The following CFAP54 variants were observed in gnomAD, a reference collection of about 807,000 sequenced individuals.
CFAP54 encodes cilia- and flagella-associated protein 54.
Under a neutral mutation model 370.4 loss-of-function variants are expected in CFAP54, and 290 were observed. That is an observed-to-expected ratio of 0.78 (90% CI 0.71 to 0.86). The LOEUF (loss-of-function observed/expected upper bound fraction) is 0.86. CFAP54 is among the 40% of genes least tolerant of loss of function. The pLI, the probability that CFAP54 is intolerant of heterozygous loss-of-function variation, is 0.00. For synonymous variants in CFAP54, 1,206 were observed against 1,236.5 expected (o/e 0.98, Z 0.52); for missense variants, 3,399 against 3,528.7 (o/e 0.96, Z 0.93).
At chr12:96,792,593 A>G in intron 63 of CFAP54, 94 bp downstream of exon 63, 2 of 920,766 alleles carry the variant, frequency 2.2e-6, no homozygotes, top group South Asian at 2.1e-5. Context: ...TTCTCTTATC[A>G]TATAGATGAG....
At chr12:96,497,941 AT>A (rs1213025582) in intron 1 of CFAP54, among the ~76,000 whole-genome samples, 1 of 152,076 alleles carries the variant, frequency 6.6e-6, no homozygotes, top group African/African-American at 2.4e-5. Context: ...GTAGCTTTCA[AT>A]GAATGATCTC....
At chr12:96,761,551 T>G (rs1171443081) in intron 58 of CFAP54, among the ~76,000 whole-genome samples, 1 of 152,086 alleles carries the variant, frequency 6.6e-6, no homozygotes, top group Non-Finnish European at 1.5e-5. Context: ...TCTAGCACCC[T>G]TTGTCTAACT....
intron 25 of CFAP54, among the ~76,000 whole-genome samples, chr12:96,595,737 A>G (rs1956171059): frequency 6.6e-6 from 1 of 152,166 alleles, no homozygotes; most frequent in African/African-American, 2.4e-5. Context: ...GTAAATAGAT[A>G]GAGCATTTCT....
At chr12:96,671,179 C>G (rs1957141959) in intron 39 of CFAP54, among the ~76,000 whole-genome samples, 1 of 152,082 alleles carries the variant, frequency 6.6e-6, no homozygotes, top group African/African-American at 2.4e-5. Context: ...ACCATGTTGG[C>G]CAGGCTGGTC....
chr12:96,593,065 C>T (rs1956142795), intron 24 of CFAP54, among the ~76,000 whole-genome samples: 1 of 152,108 alleles, frequency 6.6e-6, no homozygotes, highest in African/African-American at 2.4e-5. Context: ...CTTTTTAACA[C>T]TTTTATAATC....
chr12:96,679,753 G>A lies in CFAP54; in HGVS notation c.5716+1G>A. 6.2e-7 allele frequency: 1 copy of A among 1,611,780 alleles called. No individual in the cohort carries two copies. The highest frequency in any genetic ancestry group is 1.1e-5 in the South Asian group (1 of 90,648). On this transcript the variant is annotated splice_donor_variant, in intron 40 of 67. Transcript: ENST00000524981. LOFTEE classifies it high-confidence loss of function. ...TCATTATTTCTTGCACAGACACAAG[G>A]TAAAATGCATGTTCTGTATCTCTGA... is the stretch of plus-strand genomic sequence containing the variant.
intron 66 of CFAP54, among the ~76,000 whole-genome samples, chr12:96,856,361 A>G (rs12582608): frequency 0.011 from 1,720 of 152,156 alleles, 80 homozygotes; most frequent in East Asian, 0.11. Flanking sequence ...CAGAAAATGA[A>G]TTTTTCTTTT....
At chr12:96,646,255 G>GA (rs1367866464) in intron 33 of CFAP54, 3 of 151,874 alleles carry the variant, frequency 2.0e-5, no homozygotes, top group Non-Finnish European at 4.4e-5. Context: ...AAATTTACAA[G>GA]AAAAAAACAA....
chr12:96,579,743 G>C (rs1298852655), intron 20 of CFAP54, among the ~76,000 whole-genome samples: 1 of 152,042 alleles, frequency 6.6e-6, no homozygotes, highest in African/African-American at 2.4e-5. Context: ...AGGGAGAATA[G>C]TTCATTCCAA....
intron 19 of CFAP54, chr12:96,572,913 T>A (rs1392321813): frequency 1.0e-6 from 1 of 985,282 alleles, no homozygotes; most frequent in East Asian, 1.1e-4. Context: ...TTGGATTCAT[T>A]GATGTGCAGA....
chr12:96,759,921 G>A (rs1958316148), intron 58 of CFAP54, among the ~76,000 whole-genome samples: 1 of 152,052 alleles, frequency 6.6e-6, no homozygotes, highest in Non-Finnish European at 1.5e-5. Context: ...TTCCTATTTT[G>A]TTAGTAGGTA....
intron 14 of CFAP54, among the ~76,000 whole-genome samples, chr12:96,542,854 C>G (rs1955592070): frequency 6.6e-6 from 1 of 152,196 alleles, no homozygotes; most frequent in Non-Finnish European, 1.5e-5. Flanking sequence ...TGACATGTCT[C>G]TTAAATCTCT....
At chr12:96,836,332 G>A (rs1315931079) in intron 66 of CFAP54, among the ~76,000 whole-genome samples, 1 of 152,130 alleles carries the variant, frequency 6.6e-6, no homozygotes, top group African/African-American at 2.4e-5. Context: ...AGGATTGAGG[G>A]CCACACTGAA....
At chr12:96,547,034 G>A (rs1388245050) in intron 14 of CFAP54, among the ~76,000 whole-genome samples, 1 of 152,080 alleles carries the variant, frequency 6.6e-6, no homozygotes, top group Non-Finnish European at 1.5e-5. Context: ...TATGTAATGA[G>A]GGGTTGTCCC....
chr12:96,672,130 GA>G (rs57510630), intron 39 of CFAP54, among the ~76,000 whole-genome samples: 12,317 of 151,404 alleles, frequency 0.081, 902 homozygotes, highest in East Asian at 0.44. Context: ...TTAATACAAG[GA>G]AAAAAAAGGA....
At chr12:96,570,310 CTTTTCTTTTTTTT>C (rs918021452) in intron 19 of CFAP54, among the ~76,000 whole-genome samples, 11 of 144,944 alleles carry the variant, frequency 7.6e-5, no homozygotes, top group African/African-American at 2.5e-4. Context: ...GTCTTTTTTT[CTTTTCTTTTTTTT>C]TTTTTTTAAA....
intron 1 of CFAP54, among the ~76,000 whole-genome samples, chr12:96,497,670 C>T (rs558656717): frequency 9.9e-5 from 15 of 152,146 alleles, no homozygotes; most frequent in Admixed American, 2.0e-4. Flanking sequence ...AGCAGAAAGT[C>T]CAGATGTCCC....
chr12:96,635,588 A>G (rs142261289), intron 32 of CFAP54, among the ~76,000 whole-genome samples: 5 of 152,292 alleles, frequency 3.3e-5, no homozygotes, highest in Non-Finnish European at 7.4e-5. Context: ...CTGTCGACAT[A>G]CAGTTAGCAG....
chr12:96,798,310 C>G (rs924384693), intron 63 of CFAP54, among the ~76,000 whole-genome samples: 1 of 152,050 alleles, frequency 6.6e-6, no homozygotes, highest in Non-Finnish European at 1.5e-5. Flanking sequence ...TGGAGGCAAA[C>G]ACTTCCAATT....
Sources: allele counts gnomAD v4.1 joint callset (sites outside exome capture counted in the v4.1 genomes callset), GRCh38; gene constraint gnomAD v4.1.1; transcripts MANE v1.5; gene names NCBI Gene and HGNC (gene_info 2026-07-23, HGNC 2026-07-21).